KCNH3: variants seen among roughly 807,000 people sequenced by gnomAD.
The protein encoded by KCNH3 is voltage-gated inwardly rectifying potassium channel KCNH3.
In KCNH3, 36 loss-of-function variants were observed where a neutral mutation model predicts 95.6. The observed-to-expected ratio is 0.38, with a 90% CI of 0.29 to 0.50. KCNH3 has a LOEUF of 0.50. KCNH3 is among the 20% of genes least tolerant of loss of function. The pLI is 0.95. For missense variants in KCNH3, 1,030 were observed against 1,484.1 expected (o/e 0.69, Z 5.03); for synonymous variants, 620 against 646.3 (o/e 0.96, Z 0.62).
At chr12:49,541,169 A>G (rs1372086472) in intron 2 of KCNH3, 37 bp downstream of exon 2, 1 of 1,498,640 alleles carries the variant, frequency 6.7e-7, no homozygotes, top group African/African-American at 1.4e-5. Context: ...TCACCTTTGC[A>G]GTCTCACCCA....
chr12:49,551,290 A>G (rs1315217843), intron 10 of KCNH3, among the ~76,000 whole-genome samples: 2 of 152,162 alleles, frequency 1.3e-5, no homozygotes, highest in Non-Finnish European at 2.9e-5. Context: ...AAAAGCCACT[A>G]AAGGACCGGG....
Position 49,557,173 on chromosome 12 carries a change from C to T in KCNH3, c.2576-10C>T, listed in dbSNP as rs1938492473. The stretch of plus-strand genomic sequence containing the variant: ...AGCCCCAGCTGATAACCCCATCCTA[C>T]TACCCACAGAGAGCGGCCTGCTCAC... On this transcript the variant is annotated splice_polypyrimidine_tract_variant and intron_variant, in intron 13 of 14. Transcript: ENST00000257981. 2 of 1,613,868 alleles carry T rather than the reference C, an allele frequency of 1.2e-6. No individual in the cohort carries two copies. Among genetic ancestry groups the T allele is most frequent in the African/African-American group, 2.7e-5 (2 of 74,924 alleles).
chr12:49,542,724 A>G lies in KCNH3; in HGVS notation c.464A>G (p.Tyr155Cys), dbSNP rs1937915770. 6.3e-7 allele frequency: 1 copy of G among 1,582,542 alleles called. No individual in the cohort carries two copies. Among genetic ancestry groups the G allele is most frequent in the Non-Finnish European group, 8.6e-7 (1 of 1,165,142 alleles). The change falls in exon 4 of 15, where the codon TAT becomes TGT. Residue 155 changes from tyrosine (Y) to cysteine (C), a missense_variant. Physicochemically the swap from Tyr to Cys is radical, Grantham distance 194. Coordinates refer to ENST00000257981, the MANE Select transcript of KCNH3 (RefSeq NM_012284.3). ...WKETGGGRRR[Y>C]GRARSKGFNA... is the part of the protein sequence containing the mutation. ...TTCGCAGGTGGTGGCCGGCGCCGAT[A>G]TGGCCGGGCACGATCCAAAGGCTTC...
rs759776093 is a variant in KCNH3 at position 49,554,459 on chromosome 12, AGCCTTGCGCTGTACCCCGAGTTT to A, written c.2045_2067del (p.Leu682ProfsTer58). The A allele has an allele frequency of 6.2e-7, 1 of 1,613,566 alleles. No homozygotes were observed. Among genetic ancestry groups the A allele is most frequent in the South Asian group, 1.1e-5 (1 of 91,092 alleles). On this transcript the variant is annotated frameshift_variant, in exon 11 of 15. Transcript: ENST00000257981. LOFTEE classifies it high-confidence loss of function. ...TCTGCAGCTGGCTGGCCTGCACGACAGCCTTGCGCTGTACCCCGAGTTTGCCCCGCGCTTCAGTCGTGGCCTCC... is the reference window on the plus strand; with the variant it reads ...TCTGCAGCTGGCTGGCCTGCACGACAGCCCCGCGCTTCAGTCGTGGCCTCC...
At chr12:49,549,929 T>C in intron 9 of KCNH3, 151 bp from the exon 10 acceptor site, 2 of 855,376 alleles carry the variant, frequency 2.3e-6, no homozygotes, top group Non-Finnish European at 3.5e-6. Context: ...GCTGCCACCC[T>C]GTGTGGAGCT....
rs1565784320 is a variant in KCNH3 at position 49,557,448 on chromosome 12, GT to G, written c.2748del (p.Pro917ArgfsTer41). 10 of 1,610,538 alleles carry G rather than the reference GT, an allele frequency of 6.2e-6. No homozygotes were observed. Among genetic ancestry groups the G allele is most frequent in the Non-Finnish European group, 7.6e-6 (9 of 1,178,552 alleles). On this transcript the variant is annotated frameshift_variant, in exon 15 of 15. Transcript: ENST00000257981. LOFTEE classifies it high-confidence loss of function. ...VQLVLAPHRE[G>X]PCPRASGEGP... ...CTTGTCCTGGCGCCCCACAGGGAGG[GT>G]CCGTGCCCTCGGGCATCGGGAGAGG...
At chr12:49,555,446 CAAAAA>C (rs762389072) in intron 11 of KCNH3, among the ~76,000 whole-genome samples, 169 bp from the exon 12 acceptor site, 1 of 79,242 alleles carries the variant, frequency 1.3e-5, no homozygotes. Context: ...GACTCTGTCT[CAAAAA>C]AAAAAAAAAA....
In KCNH3 at chr12:49,556,459, G is replaced by A; in HGVS notation, c.2558G>A (p.Ser853Asn). 6.2e-7 allele frequency: 1 copy of A among 1,613,812 alleles called. No individual in the cohort carries two copies. The highest frequency in any genetic ancestry group is 8.5e-7 in the Non-Finnish European group (1 of 1,179,808). Residue 853 changes from serine (S) to asparagine (N), a missense_variant, in exon 13 of 15, where the codon AGC becomes AAC. Physicochemically the swap from Ser to Asn is conservative, Grantham distance 46. This residue lies in a region of KCNH3 where 464 missense variants were observed against 493.2 expected (regional missense o/e 0.94). Coordinates refer to ENST00000257981, the MANE Select transcript of KCNH3 (RefSeq NM_012284.3). ...CAGTCTGGCCCGGAATGTAGCAGCAGCCCCTCCCCTGGACCAGGTACCAGG... is the reference window on the plus strand; with the variant it reads ...CAGTCTGGCCCGGAATGTAGCAGCAACCCCTCCCCTGGACCAGGTACCAGG... ...VGQSGPECSS[S>N]PSPGPESGLL... is the part of the protein sequence containing the mutation.
intron 3 of KCNH3, 146 bp downstream of exon 3, chr12:49,541,910 T>A: frequency 1.3e-6 from 1 of 773,538 alleles, no homozygotes; most frequent in Non-Finnish European, 2.1e-6. Context: ...TGTGCTGCTC[T>A]CATCTCCACA....
At position 49,557,628 on chromosome 12, in the gene KCNH3, C is replaced by T. The variant is rs1210759678; in HGVS notation, c.2927C>T (p.Pro976Leu). The T allele has an allele frequency of 1.2e-6, 2 of 1,613,488 alleles. No individual in the cohort carries two copies. The highest frequency in any genetic ancestry group is 2.2e-5 in the East Asian group (1 of 44,876). ...PGPPPLMAPW[P>L]WGPPASQSSP... is the part of the protein sequence containing the mutation. ...CCTCCTCCCCTCATGGCACCCTGGC[C>T]CTGGGGTCCCCCAGCGTCTCAGAGC... The change falls in exon 15 of 15, where the codon CCC becomes CTC. Residue 976 changes from proline to leucine, a missense_variant. Around this residue, in one of 9 missense-constraint regions of KCNH3, gnomAD observed 464 missense variants for 493.2 expected, o/e 0.94. Transcript: ENST00000257981.
Position 49,542,959 on chromosome 12 carries a change from T to C in KCNH3, c.579+120T>C, listed in dbSNP as rs901803633. The C allele has an allele frequency of 3.0e-5, 40 of 1,324,914 alleles. 1 individual carries two copies. The South Asian group carries it at 5.8e-4, about 19-fold the overall frequency. 82.1% of individuals were successfully genotyped at this position (1,324,914 alleles called of 1,614,324 possible). A position where few individuals can be genotyped will look rare whatever the true frequency, so the allele number is the denominator to read the frequency against. ...GGCCACCCAGGCCTTGCCAGCACTT[T>C]GGGGGTTGGGACTGAAGGAGGGAAG... On this transcript the variant is annotated intron_variant, in intron 4 of 14. Transcript: ENST00000257981.
At position 49,539,662 on chromosome 12, in the gene KCNH3, C is replaced by CCGAAGGTT. The variant is rs1264649130; in HGVS notation, c.76+181_76+188dup. Among the ~76,000 whole-genome samples, 5 of 152,294 alleles carry CCGAAGGTT rather than the reference C, an allele frequency of 3.3e-5. No individual in the cohort carries two copies. In the South Asian group the frequency reaches 8.3e-4, roughly 25 times the overall value. On this transcript the variant is annotated intron_variant, in intron 1 of 14. Coordinates refer to ENST00000257981, the MANE Select transcript of KCNH3 (RefSeq NM_012284.3). The surrounding 1 kb of genome is among the most constrained non-coding windows in gnomAD (Gnocchi z 6.7). ...TCGTCTCCTGCTAGGCGCTGTTTCC[C>CCGAAGGTT]CGAAGGTTCGAAGGTTCGGGGTCAA...
Position 49,539,667 on chromosome 12 carries a change from G to A in KCNH3, c.76+175G>A, listed in dbSNP as rs959753293. ...TCCTGCTAGGCGCTGTTTCCCCGAA[G>A]GTTCGAAGGTTCGGGGTCAACACTG... On this transcript the variant is annotated intron_variant, in intron 1 of 14. Coordinates refer to ENST00000257981, the MANE Select transcript of KCNH3 (RefSeq NM_012284.3). This position sits in a 1 kb window ranked among gnomAD's most constrained non-coding sequence, Gnocchi z 6.7. 1.3e-5 allele frequency among the ~76,000 whole-genome samples: 2 copies of A among 152,188 alleles called. No individual in the cohort carries two copies. The highest frequency in any genetic ancestry group is 6.5e-5 in the Admixed American group (1 of 15,292).
Position 49,549,309 on chromosome 12 carries a change from G to C in KCNH3, c.1469-132G>C, listed in dbSNP as rs1166971900. On this transcript the variant is annotated intron_variant, in intron 8 of 14. Transcript: ENST00000257981. ...GGCCGCGGAACCCGAGGCCGGGGGTGGGGGAGACTTCGCCCGCACAGCGGC... is the reference window on the plus strand; with the variant it reads ...GGCCGCGGAACCCGAGGCCGGGGGTCGGGGAGACTTCGCCCGCACAGCGGC... 2.2e-5 allele frequency: 32 copies of C among 1,451,656 alleles called. 1 individual carries two copies. Among genetic ancestry groups the C allele is most frequent in the South Asian group, 9.1e-5 (7 of 76,780 alleles). 89.9% of individuals were successfully genotyped at this position (1,451,656 alleles called of 1,614,324 possible).
intron 11 of KCNH3, 85 bp downstream of exon 11, chr12:49,554,639 CTG>C (rs1938370534): frequency 1.6e-6 from 2 of 1,229,872 alleles, no homozygotes; most frequent in Non-Finnish European, 2.3e-6. Context: ...TGGTGGAGAG[CTG>C]TGTGTGAAGT....
Position 49,549,628 on chromosome 12 carries a change from C to T in KCNH3, c.1656C>T (p.Ile552=). The part of the protein sequence containing the change: ...FQATWAVNNG[I]DTTELLQSLP... ...CCACCTGGGCGGTGAACAATGGCATCGACACCACCGAGGTGCGGCCTCCGG... is the reference window on the plus strand; with the variant it reads ...CCACCTGGGCGGTGAACAATGGCATTGACACCACCGAGGTGCGGCCTCCGG... The change falls in exon 9 of 15, where the codon ATC becomes ATT. Residue 552 remains isoleucine, a synonymous_variant. Coordinates refer to ENST00000257981, the MANE Select transcript of KCNH3 (RefSeq NM_012284.3). The T allele has an allele frequency of 6.2e-7, 1 of 1,609,064 alleles. No individual in the cohort carries two copies. The highest frequency in any genetic ancestry group is 1.1e-5 in the South Asian group (1 of 91,042).
At chr12:49,544,141 T>TGCCGGG in intron 6 of KCNH3, 34 bp from the exon 7 acceptor site, 2 of 1,413,382 alleles carry the variant, frequency 1.4e-6, no homozygotes, top group South Asian at 1.2e-5. Flanking sequence ...CCCGCTGACC[T>TGCCGGG]CCCTCCCTCC....
intron 2 of KCNH3, 85 bp from the exon 3 acceptor site, chr12:49,541,545 C>A: frequency 6.6e-7 from 1 of 1,509,734 alleles, no homozygotes; most frequent in Non-Finnish European, 9.0e-7. Flanking sequence ...CTGTGTCTTG[C>A]CCGGGATGTC....
chr12:49,557,769 A>C lies in KCNH3; in HGVS notation c.3068A>C (p.Glu1023Ala). 6.2e-7 allele frequency: 1 copy of C among 1,612,594 alleles called. No individual in the cohort carries two copies. Among genetic ancestry groups the C allele is most frequent in the Non-Finnish European group, 8.5e-7 (1 of 1,179,546 alleles). Reference protein sequence around the residue: ...STPASPPPSEEGARTGPAEPV... With the variant: ...STPASPPPSEAGARTGPAEPV... ...CCTGCCTCCCCTCCTCCTTCTGAGG[A>C]AGGGGCTAGGACTGGGCCCGCAGAG... The change falls in exon 15 of 15, where the codon GAA becomes GCA. Residue 1023 changes from glutamate to alanine, a missense_variant. By Grantham distance (107) the Glu-to-Ala change is moderately radical. Transcript: ENST00000257981.
Sources: allele counts gnomAD v4.1 joint callset (sites outside exome capture counted in the v4.1 genomes callset), GRCh38; gene constraint gnomAD v4.1.1; regional missense constraint gnomAD v4.1.1; non-coding constraint Gnocchi (gnomAD v3.1); transcripts MANE v1.5; gene names NCBI Gene and HGNC (gene_info 2026-07-23, HGNC 2026-07-21).